Variants in MUC5AC observed in about 807,000 individuals in gnomAD.
MUC5AC encodes the protein mucin 5AC, oligomeric mucus/gel-forming.
MUC5AC carries 158 observed loss-of-function variants against 169.7 expected under a neutral mutation model. That is an observed-to-expected ratio of 0.93 (90% CI 0.82 to 1.06). The LOEUF is 1.06. Among genes scored for constraint, MUC5AC ranks in the 50% least tolerant of loss-of-function variants. The pLI is 0.00. For synonymous variants in MUC5AC, 1,975 were observed against 1,237.0 expected, an observed-to-expected ratio of 1.60 and a Z score of -12.52; for missense variants, 4,359 against 3,089.9, an observed-to-expected ratio of 1.41 and a Z score of -9.74.
Position 1,196,414 on chromosome 11 carries a change from T to TACC in MUC5AC, c.15666_15668dup (p.Tyr5222_Gln5223insHis), listed in dbSNP as rs761626346. 2.6e-6 allele frequency: 2 copies of TACC among 764,826 alleles called. No homozygotes were observed. The highest frequency in any genetic ancestry group is 3.4e-5 in the African/African-American group (2 of 59,116). The allele number at this position is 764,826 out of a possible 1,614,324, so 47.4% of individuals were successfully genotyped here. A position where few individuals can be genotyped will look rare whatever the true frequency, so the allele number is the denominator to read the frequency against. On this transcript the variant is annotated inframe_insertion, in exon 38 of 49. Coordinates refer to ENST00000621226, the MANE Select transcript of MUC5AC (RefSeq NM_001304359.2). ...ATTCACCTGCCCAGCCGACAAGGTG[T>TACC]ACCAGCCCTGCGGCCCGAGCAACCC...
rs1268299444 is a variant in MUC5AC, at chr11:1,182,732, C to T, written c.4587C>T (p.Thr1529=). The T allele has an allele frequency of 2.0e-5, 8 of 398,376 alleles. No homozygotes were observed. The highest frequency in any genetic ancestry group is 3.1e-5 in the Non-Finnish European group (7 of 226,052). The allele number at this position is 398,376 out of a possible 1,614,324, so 24.7% of individuals were successfully genotyped here. A position where few individuals can be genotyped will look rare whatever the true frequency, so the allele number is the denominator to read the frequency against. ...CCAGGACGACACCTGCCCCAGGTACCGCTACCTCTGTCAAAAAAACTTTCT... is the reference window on the plus strand; with the variant it reads ...CCAGGACGACACCTGCCCCAGGTACTGCTACCTCTGTCAAAAAAACTTTCT... The part of the protein sequence containing the change: ...STARTTPAPG[T]ATSVKKTFST... The change falls in exon 31 of 49, where the codon ACC becomes ACT. Residue 1529 remains threonine, a synonymous_variant. Coordinates refer to ENST00000621226, the MANE Select transcript of MUC5AC (RefSeq NM_001304359.2).
In MUC5AC at chr11:1,177,016, G is replaced by A. The variant is rs1860703330; in HGVS notation, c.2743G>A (p.Asp915Asn). ...VYGDGHYLTF[D>N]GQSYSFNGDC... ...CGGGGACGGCCACTACCTCACCTTCGACGGACAGAGCTACAGCTTCAACGG... is the reference window on the plus strand; with the variant it reads ...CGGGGACGGCCACTACCTCACCTTCAACGGACAGAGCTACAGCTTCAACGG... The change falls in exon 22 of 49, where the codon GAC becomes AAC. Residue 915 changes from aspartate (D) to asparagine (N), a missense_variant. Transcript: ENST00000621226. The A allele has an allele frequency of 2.5e-6, 1 of 398,948 alleles. No individual in the cohort carries two copies. The highest frequency in any genetic ancestry group is 2.1e-5 in the African/African-American group (1 of 48,778). The allele number at this position is 398,948 out of a possible 1,614,324, so 24.7% of individuals were successfully genotyped here. A position where few individuals can be genotyped will look rare whatever the true frequency, so the allele number is the denominator to read the frequency against.
At chr11:1,172,734 TCACC>T (rs1860576995) in intron 16 of MUC5AC, among the ~76,000 whole-genome samples, 1 of 145,694 alleles carries the variant, frequency 6.9e-6, no homozygotes, top group African/African-American at 2.6e-5. Flanking sequence ...CATTCACCAC[TCACC>T]CACACACTCA....
chr11:1,187,081 C>T lies in MUC5AC; in HGVS notation c.8936C>T (p.Thr2979Ile). 1.3e-6 allele frequency: 1 copy of T among 749,976 alleles called. No homozygotes were observed. The highest frequency in any genetic ancestry group is 2.4e-6 in the Non-Finnish European group (1 of 410,824). The allele number at this position is 749,976 out of a possible 1,614,324, so 46.5% of individuals were successfully genotyped here. ...AGCACAACCTCTGGTCCTGGAACTA[C>T]TCCCAGCCCTGTTCCCACCACCAGC... ...TTSTTSGPGT[T>I]PSPVPTTSTT... Residue 2979 changes from threonine (T) to isoleucine (I), a missense_variant, in exon 31 of 49, where the codon ACT (threonine) becomes ATT (isoleucine). Thr to Ile is a moderately conservative substitution (Grantham distance 89, BLOSUM62 -1). Transcript: ENST00000621226.
chr11:1,196,904 T>G lies in MUC5AC; in HGVS notation c.15857T>G (p.Val5286Gly). ...PRCLGPHGEP[V>G]KVGHTVGMDC... The stretch of plus-strand genomic sequence containing the variant: ...TGTCTGGGGCCCCACGGAGAGCCGG[T>G]GAAGGTGAGTGGAAGGCATGGCCCA... The change falls in exon 40 of 49, where the codon GTG becomes GGG. Residue 5286 changes from valine to glycine, a missense_variant. By Grantham distance (109) the Val-to-Gly change is moderately radical (BLOSUM62 -3). Coordinates refer to ENST00000621226, the MANE Select transcript of MUC5AC (RefSeq NM_001304359.2). 1 of 762,822 alleles carries G rather than the reference T, an allele frequency of 1.3e-6. No individual in the cohort carries two copies. The highest frequency in any genetic ancestry group is 2.4e-6 in the Non-Finnish European group (1 of 417,042). 47.3% of individuals were successfully genotyped at this position (762,822 alleles called of 1,614,324 possible). A position where few individuals can be genotyped will look rare whatever the true frequency, so the allele number is the denominator to read the frequency against.
At chr11:1,163,603 G>A (rs757461843) in intron 6 of MUC5AC, among the ~76,000 whole-genome samples, 5 of 152,166 alleles carry the variant, frequency 3.3e-5, no homozygotes, top group African/African-American at 4.8e-5. Flanking sequence ...AGGGTCCTGG[G>A]TCAGTTGAGG....
chr11:1,194,563 T>C lies in MUC5AC; in HGVS notation c.15083T>C (p.Met5028Thr), dbSNP rs777924968. The C allele has an allele frequency of 1.2e-4, 94 of 764,280 alleles. No homozygotes were observed. Among genetic ancestry groups the C allele is most frequent in the Non-Finnish European group, 2.2e-4 (90 of 417,558 alleles). 47.3% of individuals were successfully genotyped at this position (764,280 alleles called of 1,614,324 possible). The stretch of plus-strand genomic sequence containing the variant: ...GTGGTCTCGCGCATCGGCGTCAAGA[T>C]GTACGCGACCATCCCGGAGCTGGGA... ...GIVVSRIGVKMYATIPELGVQ... is the reference protein window; with the variant it reads ...GIVVSRIGVKTYATIPELGVQ... The change falls in exon 35 of 49, where the codon ATG becomes ACG. Residue 5028 changes from methionine (M) to threonine (T), a missense_variant. By Grantham distance (81) the Met-to-Thr change is moderately conservative. Transcript: ENST00000621226.
intron 48 of MUC5AC, 29 bp downstream of exon 48, chr11:1,199,998 C>T (rs1374765084): frequency 2.2e-5 from 16 of 731,320 alleles, no homozygotes; most frequent in Middle Eastern, 4.6e-4. Flanking sequence ...GGCAGGGAGA[C>T]GCGATTGGCT....
Position 1,165,713 on chromosome 11 carries a change from G to A in MUC5AC, c.1339G>A (p.Gly447Arg), listed in dbSNP as rs1590135502. The change falls in exon 11 of 49, where the codon GGG becomes AGG. Residue 447 changes from glycine to arginine, a missense_variant. Physicochemically the swap from Gly to Arg is moderately radical, Grantham distance 125. Transcript: ENST00000621226. ...LGGAHFSTFD[G>R]KQYTVHGDCS... ...AGGTGCCCACTTCTCAACGTTTGAC[G>A]GGAAGCAATACACGGTGCACGGCGA... 4.3e-6 allele frequency: 7 copies of A among 1,612,448 alleles called. No individual in the cohort carries two copies. Among genetic ancestry groups the A allele is most frequent in the Non-Finnish European group, 5.9e-6 (7 of 1,179,754 alleles).
intron 15 of MUC5AC, among the ~76,000 whole-genome samples, chr11:1,171,340 CATT>C: frequency 4.7e-5 from 5 of 105,806 alleles, no homozygotes; most frequent in Non-Finnish European, 9.5e-5. Flanking sequence ...CTCACTCACG[CATT>C]CACTCACTCA....
rs1341433322 is a variant in MUC5AC at position 1,177,458 on chromosome 11, T to G, written c.2912T>G (p.Phe971Cys). 3.5e-5 allele frequency: 14 copies of G among 399,182 alleles called. No individual in the cohort carries two copies. Among genetic ancestry groups the G allele is most frequent in the African/African-American group, 2.7e-4 (13 of 48,740 alleles). 24.7% of individuals were successfully genotyped at this position (399,182 alleles called of 1,614,324 possible). ...GAGTGACCCCTTGCCATGCAGGGCT[T>G]CGAGCTGAAGCTAAGCCATGGGAAG... The part of the protein sequence containing the change: ...SKAIKIFLGG[F>C]ELKLSHGKVE... The change falls in exon 24 of 49, where the codon TTC becomes TGC. Residue 971 changes from phenylalanine to cysteine, a missense_variant. Coordinates refer to ENST00000621226, the MANE Select transcript of MUC5AC (RefSeq NM_001304359.2).
At position 1,184,299 on chromosome 11, in the gene MUC5AC, G is replaced by T. The variant is rs1860879864; in HGVS notation, c.6154G>T (p.Asp2052Tyr). The change falls in exon 31 of 49, where the codon GAC becomes TAC. Residue 2052 changes from aspartate (D) to tyrosine (Y), a missense_variant. Physicochemically the swap from Asp to Tyr is radical, Grantham distance 160. Transcript: ENST00000621226. ...TTGCGAGACGGTGAACGTGTGCAGA[G>T]ACATCACCAGACCGCCAAAGACCGT... ...QCCETVNVCR[D>Y]ITRPPKTVAT... 2.1e-6 allele frequency: 1 copy of T among 467,574 alleles called. No homozygotes were observed. The highest frequency in any genetic ancestry group is 2.0e-5 in the African/African-American group (1 of 50,744). 29.0% of individuals were successfully genotyped at this position (467,574 alleles called of 1,614,324 possible). A position where few individuals can be genotyped will look rare whatever the true frequency, so the allele number is the denominator to read the frequency against.
chr11:1,158,167 G>C (rs1554923952), intron 1 of MUC5AC, 95 bp downstream of exon 1: 1 of 1,145,106 alleles, frequency 8.7e-7, no homozygotes, highest in Non-Finnish European at 1.2e-6. Flanking sequence ...TTCCGGGCAG[G>C]CTGCATGTGC....
Position 1,186,049 on chromosome 11 carries a change from C to A in MUC5AC, c.7904C>A (p.Thr2635Asn). Residue 2635 changes from threonine (T) to asparagine (N), a missense_variant, in exon 31 of 49, where the codon ACT becomes AAT. Thr to Asn is a moderately conservative substitution (Grantham distance 65, BLOSUM62 0). Transcript: ENST00000621226. Reference sequence around the variant, plus strand: ...AGCAGAATCTCTGGTCCTGAAACTACTCCCAGCCCTGTTCCTACCGCCAGC... The same window carrying A: ...AGCAGAATCTCTGGTCCTGAAACTAATCCCAGCCCTGTTCCTACCGCCAGC... ...TTSRISGPET[T>N]PSPVPTASTT... 1.4e-6 allele frequency: 1 copy of A among 735,516 alleles called. No homozygotes were observed. The highest frequency in any genetic ancestry group is 2.5e-6 in the Non-Finnish European group (1 of 403,056). 45.6% of individuals were successfully genotyped at this position (735,516 alleles called of 1,614,324 possible).
rs1379997765 is a variant in MUC5AC, at chr11:1,188,914, G to C, written c.10769G>C (p.Arg3590Pro). 4 of 754,162 alleles carry C rather than the reference G, an allele frequency of 5.3e-6. No homozygotes were observed. The highest frequency in any genetic ancestry group is 5.2e-5 in the Admixed American group (3 of 57,982). 46.7% of individuals were successfully genotyped at this position (754,162 alleles called of 1,614,324 possible). ...EHLGQVVQCS[R>P]EEGLVCRNQD... ...CTGGGCCAGGTGGTGCAGTGCAGCC[G>C]CGAAGAGGGCCTGGTGTGCCGGAAC... The change falls in exon 31 of 49, where the codon CGC (arginine) becomes CCC (proline). Residue 3590 changes from arginine to proline, a missense_variant. By Grantham distance (103) the Arg-to-Pro change is moderately radical. Coordinates refer to ENST00000621226, the MANE Select transcript of MUC5AC (RefSeq NM_001304359.2).
chr11:1,178,350 TGGCCCTGGGTGGGAGGAGGC>T, intron 24 of MUC5AC, 74 bp from the exon 25 acceptor site: 1 of 358,490 alleles, frequency 2.8e-6, no homozygotes, highest in Non-Finnish European at 5.1e-6. Context: ...CAGGGCAGGG[TGGCCCTGGGTGGGAGGAGGC>T]GGCCTAGGGG....
At position 1,168,712 on chromosome 11, in the gene MUC5AC, C is replaced by T. The variant is rs762379077; in HGVS notation, c.1638C>T (p.Asn546=). Residue 546 remains asparagine (N), a synonymous_variant, in exon 14 of 49, where the codon AAC becomes AAT. Transcript: ENST00000621226. The part of the protein sequence containing the change: ...IAQTSLGLQL[N]LQLVPTMQLF... ...AGACCAGCCTGGGCCTGCAGCTGAA[C>T]CTGCAGCTGGTGCCCACCATGCAGC... is the stretch of plus-strand genomic sequence containing the variant. 7 of 1,610,498 alleles carry T rather than the reference C, an allele frequency of 4.3e-6. No individual in the cohort carries two copies. Among genetic ancestry groups the T allele is most frequent in the Admixed American group, 1.7e-5 (1 of 59,962 alleles).
At chr11:1,175,396 A>C (rs1214003537) in intron 19 of MUC5AC, 126 bp downstream of exon 19, 2 of 397,536 alleles carry the variant, frequency 5.0e-6, no homozygotes, top group African/African-American at 4.1e-5. Flanking sequence ...TCAGCTGCTC[A>C]GTGTCAGGCA....
In MUC5AC at chr11:1,200,493, C is replaced by T. The variant is rs772396399; in HGVS notation, c.16756C>T (p.Arg5586Trp). Residue 5586 changes from arginine to tryptophan, a missense_variant, in exon 49 of 49, where the codon CGG (arginine) becomes TGG (tryptophan). Physicochemically the swap from Arg to Trp is moderately radical, Grantham distance 101. Coordinates refer to ENST00000621226, the MANE Select transcript of MUC5AC (RefSeq NM_001304359.2). Reference protein sequence around the residue: ...EHRCQCCQELRTSLRNVTLHC... With the variant: ...EHRCQCCQELWTSLRNVTLHC... ...CAGGTGCCAGTGCTGCCAGGAGCTG[C>T]GGACCTCGCTGAGGAATGTGACCCT... 9.4e-6 allele frequency: 7 copies of T among 741,588 alleles called. No individual in the cohort carries two copies. The highest frequency in any genetic ancestry group is 7.6e-5 in the East Asian group (3 of 39,664). The allele number at this position is 741,588 out of a possible 1,614,324, so 45.9% of individuals were successfully genotyped here.
Sources: allele counts gnomAD v4.1 joint callset (sites outside exome capture counted in the v4.1 genomes callset), GRCh38; gene constraint gnomAD v4.1.1; transcripts MANE v1.5; gene names NCBI Gene and HGNC (gene_info 2026-07-23, HGNC 2026-07-21).